EIF4E3: variants seen among roughly 807,000 people sequenced by gnomAD.
The protein encoded by EIF4E3 is eukaryotic translation initiation factor 4E family member 3.
Under a neutral mutation model 31.7 loss-of-function variants are expected in EIF4E3, and 26 were observed. That is an observed-to-expected ratio of 0.82 (90% CI 0.60 to 1.14). The LOEUF is 1.14. EIF4E3 is among the 50% of genes most tolerant of loss of function. EIF4E3 has a pLI of 0.00. For missense variants in EIF4E3, 304 were observed against 270.9 expected, an observed-to-expected ratio of 1.12 and a Z score of -0.86; for synonymous variants, 128 against 107.7, an observed-to-expected ratio of 1.19 and a Z score of -1.17.
chr3:71,724,668 G>C (rs986882953), intron 1 of EIF4E3, among the ~76,000 whole-genome samples: 2 of 152,232 alleles, frequency 1.3e-5, no homozygotes, highest in African/African-American at 4.8e-5. Flanking sequence ...AACTGGAAGA[G>C]GAGTCCACGG....
intron 1 of EIF4E3, among the ~76,000 whole-genome samples, chr3:71,743,887 T>C (rs1354470424): frequency 1.3e-5 from 2 of 152,030 alleles, no homozygotes; most frequent in Non-Finnish European, 2.9e-5. Flanking sequence ...TATCCATACA[T>C]TAAAAAAATG....
intron 1 of EIF4E3, among the ~76,000 whole-genome samples, chr3:71,732,688 A>G (rs2049719711): frequency 6.6e-6 from 1 of 152,258 alleles, no homozygotes; most frequent in Non-Finnish European, 1.5e-5. Flanking sequence ...AGCTTACATC[A>G]GAAACTGGAC....
At chr3:71,754,442 A>C, upstream of EIF4E3, 1 of 1,346,872 alleles carries the variant, frequency 7.4e-7, no homozygotes, top group Non-Finnish European at 9.6e-7. This position sits in a 1 kb window ranked among gnomAD's most constrained non-coding sequence, Gnocchi z 5.8. Flanking sequence ...GCTTCTATGC[A>C]GAGCGCCTGG....
chr3:71,752,611 TG>T (rs1403838089), intron 1 of EIF4E3, among the ~76,000 whole-genome samples: 1 of 152,216 alleles, frequency 6.6e-6, no homozygotes, highest in Non-Finnish European at 1.5e-5. Flanking sequence ...GGCTTTACCA[TG>T]CTAAGCACTG....
At chr3:71,712,180 A>G (rs1280020530) in intron 1 of EIF4E3, among the ~76,000 whole-genome samples, 1 of 152,170 alleles carries the variant, frequency 6.6e-6, no homozygotes, top group East Asian at 1.9e-4. Context: ...TCCACATTAA[A>G]CACCATGACT....
At chr3:71,666,770 C>A in the EIF4E3 span, among the ~76,000 whole-genome samples, 2 of 152,048 alleles carry the variant, frequency 1.3e-5, no homozygotes, top group Non-Finnish European at 2.9e-5. Context: ...AACCCCGTCT[C>A]TACTAAAAAT....
rs947744657 is a variant in EIF4E3 at position 71,683,872 on chromosome 3, T to G, written c.*810A>C. 1 of 152,174 alleles carries G rather than the reference T, an allele frequency of 6.6e-6. No homozygotes were observed. Among genetic ancestry groups the G allele is most frequent in the Non-Finnish European group, 1.5e-5 (1 of 68,020 alleles). 9.4% of individuals were successfully genotyped at this position (152,174 alleles called of 1,614,324 possible). The stretch of plus-strand genomic sequence containing the variant: ...TTCTCTTTAAATCAGAAACATCAGG[T>G]TTCCTATTGGAAGAAATCCCTTGCT... On this transcript the variant is annotated 3_prime_UTR_variant, in exon 7 of 7. Transcript: ENST00000425534.
rs1353114794 is a variant in EIF4E3, at chr3:71,693,948, T to A, written c.406-7A>T. On this transcript the variant is annotated splice_region_variant and splice_polypyrimidine_tract_variant and intron_variant, in intron 4 of 6. Transcript: ENST00000425534. ...ACTCTTTCCAAACTGTGGACTGATA[T>A]GGGAAAAGAATAAAAAACAAAACAA... 4 of 1,569,706 alleles carry A rather than the reference T, an allele frequency of 2.5e-6. No individual in the cohort carries two copies. Among genetic ancestry groups the A allele is most frequent in the East Asian group, 2.3e-5 (1 of 43,588 alleles).
the EIF4E3 span, among the ~76,000 whole-genome samples, chr3:71,662,458 A>C: frequency 1.3e-5 from 2 of 152,368 alleles, no homozygotes; most frequent in African/African-American, 2.4e-5. Flanking sequence ...CATATATTGA[A>C]AGTGCTATAA....
upstream of EIF4E3, chr3:71,753,960 C>A: frequency 9.7e-7 from 1 of 1,026,634 alleles, no homozygotes; most frequent in South Asian, 4.4e-5. Context: ...CCAGGGCCGG[C>A]GGAGCGGCGG....
chr3:71,708,294 A>G (rs904473690), intron 2 of EIF4E3, among the ~76,000 whole-genome samples: 2 of 152,194 alleles, frequency 1.3e-5, no homozygotes, highest in Non-Finnish European at 2.9e-5. Context: ...TGTGGTAGAA[A>G]TGAGAATAGT....
chr3:71,735,593 T>C (rs1050721989), intron 1 of EIF4E3, among the ~76,000 whole-genome samples: 7 of 152,114 alleles, frequency 4.6e-5, no homozygotes, highest in Non-Finnish European at 8.8e-5. Context: ...AGAAACGCAA[T>C]ACTGTGCTAA....
intron 1 of EIF4E3, among the ~76,000 whole-genome samples, chr3:71,750,478 T>C (rs904049768): frequency 1.1e-4 from 16 of 152,220 alleles, no homozygotes; most frequent in African/African-American, 3.9e-4. Flanking sequence ...TGAAAAATCC[T>C]TCCCTCTCGA....
At chr3:71,750,613 A>T (rs1365519902) in intron 1 of EIF4E3, among the ~76,000 whole-genome samples, 2 of 152,166 alleles carry the variant, frequency 1.3e-5, no homozygotes, top group African/African-American at 4.8e-5. Flanking sequence ...GATCATGAGG[A>T]TGGACTCTAA....
intron 2 of EIF4E3, among the ~76,000 whole-genome samples, chr3:71,700,093 G>A (rs1404228694): frequency 6.6e-6 from 1 of 152,144 alleles, no homozygotes. Flanking sequence ...AGAATAGCTT[G>A]AGCCTGGGAA....
Position 71,725,128 on chromosome 3 carries a change from C to A in EIF4E3, c.176+64G>T. 9.8e-7 allele frequency: 1 copy of A among 1,017,558 alleles called. No individual in the cohort carries two copies. Among genetic ancestry groups the A allele is most frequent in the Non-Finnish European group, 1.2e-6 (1 of 850,862 alleles). The allele number at this position is 1,017,558 out of a possible 1,614,324, so 63.0% of individuals were successfully genotyped here. On this transcript the variant is annotated intron_variant, in intron 1 of 6. Coordinates refer to ENST00000425534, the MANE Select transcript of EIF4E3 (RefSeq NM_001134651.2). The surrounding 1 kb of genome is among the most constrained non-coding windows in gnomAD (Gnocchi z 6.1). ...GCCGGGGCGAGGGGCCGCGCCGAGA[C>A]AAAGCGGCGGTGGCGGCAGGACCCG...
At chr3:71,698,545 G>A (rs1237407671) in intron 3 of EIF4E3, among the ~76,000 whole-genome samples, 1 of 152,164 alleles carries the variant, frequency 6.6e-6, no homozygotes, top group South Asian at 2.1e-4. Context: ...ATCCACTCAG[G>A]CAGGGTTGAC....
intron 1 of EIF4E3, among the ~76,000 whole-genome samples, chr3:71,711,546 G>C (rs894770353): frequency 6.6e-6 from 1 of 152,184 alleles, no homozygotes; most frequent in Non-Finnish European, 1.5e-5. Flanking sequence ...CTGCACACTA[G>C]AGACAAAACT....
chr3:71,723,091 A>T (rs2108116250), intron 1 of EIF4E3, among the ~76,000 whole-genome samples: 1 of 152,222 alleles, frequency 6.6e-6, no homozygotes, highest in Non-Finnish European at 1.5e-5. Context: ...GAACTCAAAA[A>T]CCGATGTCAT....
Sources: gnomAD v4.1 joint callset for allele counts (sites outside exome capture counted in the v4.1 genomes callset) on GRCh38, gnomAD v4.1.1 for gene constraint, Gnocchi (gnomAD v3.1) non-coding constraint, MANE v1.5 for transcripts, NCBI Gene and HGNC (gene_info 2026-07-23, HGNC 2026-07-21) for gene names.